The following SMIM35 variants were observed in gnomAD, a reference collection of about 807,000 sequenced individuals.
SMIM35 encodes small integral membrane protein 35.
At chr11:118,016,413 G>T (rs945825049) in intron 1 of SMIM35, among the ~76,000 whole-genome samples, 2 of 152,240 alleles carry the variant, frequency 1.3e-5, no homozygotes, top group African/African-American at 4.8e-5. Context: ...CATGGTAGAA[G>T]CAGAAAGGAC....
chr11:118,077,339 G>A (rs772676385), intron 1 of SMIM35: 2 of 1,583,598 alleles, frequency 1.3e-6, no homozygotes, highest in Admixed American at 1.8e-5. Context: ...CAAGACACAG[G>A]AAGGGTGGGT....
At chr11:118,063,724 A>G (rs1944427531) in intron 1 of SMIM35, among the ~76,000 whole-genome samples, 1 of 152,184 alleles carries the variant, frequency 6.6e-6, no homozygotes, top group Admixed American at 6.5e-5. Flanking sequence ...TGGCTTAATT[A>G]ATCATGCTTA....
At chr11:118,044,777 A>AG (rs1423865649) in intron 1 of SMIM35, among the ~76,000 whole-genome samples, 3 of 110,948 alleles carry the variant, frequency 2.7e-5, no homozygotes, top group East Asian at 4.4e-4. Context: ...ATCTCCAAAA[A>AG]AAAAAAAAAA....
intron 1 of SMIM35, among the ~76,000 whole-genome samples, chr11:118,047,382 T>C (rs949536990): frequency 6.6e-6 from 1 of 152,148 alleles, no homozygotes; most frequent in Non-Finnish European, 1.5e-5. Flanking sequence ...AGAGAAAATA[T>C]CCAAAGAATG....
chr11:118,038,191 C>T (rs930449915), intron 1 of SMIM35, among the ~76,000 whole-genome samples: 2 of 152,140 alleles, frequency 1.3e-5, no homozygotes, highest in African/African-American at 2.4e-5. Context: ...CCCTGGAGGC[C>T]GAGGGGGCAG....
At chr11:118,078,138 C>T (rs1487267733) in intron 1 of SMIM35, among the ~76,000 whole-genome samples, 3 of 151,950 alleles carry the variant, frequency 2.0e-5, no homozygotes, top group African/African-American at 4.8e-5. Context: ...TGCCCTCACC[C>T]TCTCTCCTCC....
At chr11:118,021,809 A>G (rs1362122936) in intron 1 of SMIM35, among the ~76,000 whole-genome samples, 1 of 152,186 alleles carries the variant, frequency 6.6e-6, no homozygotes, top group Non-Finnish European at 1.5e-5. Flanking sequence ...AAACTTTAAA[A>G]ATTCATAATT....
At chr11:118,064,571 A>G (rs1320682458) in intron 1 of SMIM35, among the ~76,000 whole-genome samples, 5 of 152,156 alleles carry the variant, frequency 3.3e-5, no homozygotes, top group African/African-American at 4.8e-5. Flanking sequence ...GGCATGTGCC[A>G]TCGTGCCTGG....
At chr11:118,067,785 T>C (rs910876939) in intron 1 of SMIM35, among the ~76,000 whole-genome samples, 3 of 141,700 alleles carry the variant, frequency 2.1e-5, no homozygotes, top group African/African-American at 8.0e-5. Flanking sequence ...TGAGCCGAGA[T>C]CACGCCATTG....
intron 1 of SMIM35, among the ~76,000 whole-genome samples, chr11:118,022,415 C>T (rs1293781259): frequency 6.6e-6 from 1 of 152,108 alleles, no homozygotes; most frequent in African/African-American, 2.4e-5. Flanking sequence ...ACAATATGTT[C>T]CCTGACCACA....
intron 1 of SMIM35, among the ~76,000 whole-genome samples, chr11:118,056,223 G>A (rs533463046): frequency 2.8e-4 from 42 of 152,222 alleles, no homozygotes; most frequent in African/African-American, 9.6e-4. Context: ...TGGGAGTAGC[G>A]AGCCCAGGCT....
chr11:118,083,194 G>A (rs1236415345), intron 1 of SMIM35, among the ~76,000 whole-genome samples: 2 of 152,226 alleles, frequency 1.3e-5, no homozygotes, highest in Non-Finnish European at 2.9e-5. Flanking sequence ...TACGGTTGCT[G>A]AAAACAATCT....
intron 1 of SMIM35, among the ~76,000 whole-genome samples, chr11:118,021,418 G>A (rs905873493): frequency 6.6e-6 from 1 of 151,514 alleles, no homozygotes; most frequent in African/African-American, 2.4e-5. Flanking sequence ...TTGTTATGGT[G>A]TTTTTCATTT....
At chr11:118,051,073 A>C (rs1042802556) in intron 1 of SMIM35, among the ~76,000 whole-genome samples, 4 of 152,256 alleles carry the variant, frequency 2.6e-5, no homozygotes, top group African/African-American at 7.2e-5. Context: ...AGGTAGAGGC[A>C]GGCTCATGTT....
At chr11:118,077,469 T>A (rs1003068665) in intron 1 of SMIM35, among the ~76,000 whole-genome samples, 42 of 152,136 alleles carry the variant, frequency 2.8e-4, no homozygotes. Context: ...CCGGTACACG[T>A]CTCATACCCA....
At chr11:118,082,379 G>A (rs1416689952) in intron 1 of SMIM35, among the ~76,000 whole-genome samples, 1 of 152,042 alleles carries the variant, frequency 6.6e-6, no homozygotes, top group Non-Finnish European at 1.5e-5. Context: ...TGGCCAACAT[G>A]GTGAAACCCC....
At chr11:118,047,551 TAC>T (rs1201238157) in intron 1 of SMIM35, among the ~76,000 whole-genome samples, 1 of 152,208 alleles carries the variant, frequency 6.6e-6, no homozygotes, top group East Asian at 1.9e-4. Context: ...GCATGGGCAA[TAC>T]ACCCACAGCC....
intron 2 of SMIM35, among the ~76,000 whole-genome samples, chr11:118,015,200 C>T (rs999440068): frequency 1.3e-5 from 2 of 152,250 alleles, no homozygotes; most frequent in Non-Finnish European, 2.9e-5. Context: ...TTCCAGCACA[C>T]CCTTCCAGTT....
intron 1 of SMIM35, among the ~76,000 whole-genome samples, chr11:118,085,540 AG>A (rs1945482092): frequency 6.6e-6 from 1 of 152,162 alleles, no homozygotes; most frequent in South Asian, 2.1e-4. Context: ...GACAAGCAAA[AG>A]TGAGTACGAT....
Sources: gnomAD v4.1 joint callset for allele counts (sites outside exome capture counted in the v4.1 genomes callset) on GRCh38, gnomAD v4.1.1 for gene constraint, MANE v1.5 for transcripts, NCBI Gene and HGNC (gene_info 2026-07-23, HGNC 2026-07-21) for gene names.